CARNMT1: variants seen among roughly 807,000 people sequenced by gnomAD.
The protein encoded by CARNMT1 is protein-L-histidine N-pros-methyltransferase CARNMT1.
In CARNMT1, 28 loss-of-function variants were observed where a neutral mutation model predicts 49.6. That is an observed-to-expected ratio of 0.56 (90% confidence interval 0.42 to 0.77). The LOEUF (loss-of-function observed/expected upper bound fraction) is 0.77, where lower values mean the gene tolerates loss of function less well. Ranked by LOEUF, CARNMT1 falls within the 30% of genes least tolerant of loss-of-function variation. CARNMT1 has a pLI of 0.00. For synonymous variants in CARNMT1, 178 were observed against 175.0 expected, an observed-to-expected ratio of 1.02 and a Z score of -0.13; for missense variants, 421 against 512.6, an observed-to-expected ratio of 0.82 and a Z score of 1.73.
chr9:74,992,634 A>T (rs1474888356), intron 6 of CARNMT1, among the ~76,000 whole-genome samples: 1 of 152,240 alleles, frequency 6.6e-6, no homozygotes, highest in Non-Finnish European at 1.5e-5. Context: ...GGACATATGC[A>T]TAATAGTTCC....
chr9:75,002,951 T>C (rs1833404768), intron 3 of CARNMT1, among the ~76,000 whole-genome samples: 2 of 152,138 alleles, frequency 1.3e-5, no homozygotes, highest in Admixed American at 1.3e-4. Flanking sequence ...TTGCCCAGGC[T>C]GGTCTTGAAC....
intron 4 of CARNMT1, among the ~76,000 whole-genome samples, chr9:74,999,500 C>T (rs1833294053): frequency 6.6e-6 from 1 of 152,152 alleles, no homozygotes; most frequent in African/African-American, 2.4e-5. Flanking sequence ...AATGCCCAGT[C>T]ACTTTCTATA....
At chr9:75,020,074 C>T (rs1291425184) in intron 1 of CARNMT1, among the ~76,000 whole-genome samples, 1 of 152,114 alleles carries the variant, frequency 6.6e-6, no homozygotes, top group African/African-American at 2.4e-5. Flanking sequence ...AGTAAAAATT[C>T]AGGTTAATGA....
At chr9:75,019,457 C>T (rs1833938877) in intron 1 of CARNMT1, among the ~76,000 whole-genome samples, 1 of 152,166 alleles carries the variant, frequency 6.6e-6, no homozygotes, top group African/African-American at 2.4e-5. Flanking sequence ...GCAACCAGGC[C>T]TTCCTTTCTA....
At chr9:74,998,902 A>G (rs955044274) in intron 4 of CARNMT1, 126 bp from the exon 5 acceptor site, 1 of 513,718 alleles carries the variant, frequency 1.9e-6, no homozygotes, top group African/African-American at 2.0e-5. Flanking sequence ...AAGAGTCACT[A>G]TTACAGCTTC....
chr9:74,983,834 A>T lies in CARNMT1; in HGVS notation c.1163T>A (p.Val388Glu). 1 of 1,606,746 alleles carries T rather than the reference A, an allele frequency of 6.2e-7. No individual in the cohort carries two copies. Among genetic ancestry groups the T allele is most frequent in the Non-Finnish European group, 8.5e-7 (1 of 1,176,060 alleles). Residue 388 changes from valine (V) to glutamate (E), a missense_variant, in exon 8 of 8, where the codon GTG (valine) becomes GAG (glutamate). Transcript: ENST00000376834. Reference protein sequence around the residue: ...EKESVLSTYTVNDLSMMKYYY... With the variant: ...EKESVLSTYTENDLSMMKYYY... ...GTATTTCATCATAGAGAGATCATTCACAGTATATGTTGACAATACAGATTC... is the reference window on the plus strand; with the variant it reads ...GTATTTCATCATAGAGAGATCATTCTCAGTATATGTTGACAATACAGATTC...
chr9:74,992,448 G>A (rs538662900), intron 6 of CARNMT1, among the ~76,000 whole-genome samples: 61 of 152,234 alleles, frequency 4.0e-4, no homozygotes, highest in African/African-American at 1.4e-3. Flanking sequence ...GTAGCTAAAT[G>A]CCTGCCCTCC....
chr9:75,005,824 TAA>T (rs1159842360), intron 3 of CARNMT1, among the ~76,000 whole-genome samples: 3 of 77,912 alleles, frequency 3.9e-5, no homozygotes, highest in African/African-American at 9.3e-5. Context: ...TCAGTGAAAT[TAA>T]AACACACACA....
intron 6 of CARNMT1, among the ~76,000 whole-genome samples, chr9:74,987,430 A>G (rs557253465): frequency 6.6e-6 from 1 of 152,340 alleles, no homozygotes; most frequent in South Asian, 2.1e-4. Context: ...AATATATCAA[A>G]TGGAAAACTA....
intron 6 of CARNMT1, among the ~76,000 whole-genome samples, chr9:74,989,565 C>T (rs1007853145): frequency 1.3e-5 from 2 of 152,088 alleles, no homozygotes; most frequent in African/African-American, 4.8e-5. Flanking sequence ...CCACCCAAAT[C>T]TCATCTCAAA....
rs572472403 is a variant in CARNMT1, at chr9:74,980,952, A to G, written c.*2815T>C. 1 of 152,204 alleles carries G rather than the reference A, an allele frequency of 6.6e-6. No homozygotes were observed. The highest frequency in any genetic ancestry group is 1.5e-5 in the Non-Finnish European group (1 of 68,024). 9.4% of individuals were successfully genotyped at this position (152,204 alleles called of 1,614,324 possible). On this transcript the variant is annotated 3_prime_UTR_variant, in exon 8 of 8. Coordinates refer to ENST00000376834, the MANE Select transcript of CARNMT1 (RefSeq NM_152420.3). ...CTAATCCAAGAGTTCAAAAGTATAT[A>G]TGCTCAACTCATTAAAATCCCCACA...
intron 1 of CARNMT1, among the ~76,000 whole-genome samples, chr9:75,026,156 A>T (rs185632379): frequency 0.01 from 1,539 of 152,178 alleles, 28 homozygotes; most frequent in African/African-American, 0.033. Context: ...TGTTTTTTTT[A>T]AAAAATGAAA....
In CARNMT1 at chr9:74,983,851, T is replaced by C. The variant is rs1832748903; in HGVS notation, c.1146A>G (p.Val382=). ...GFKVEVEKES[V]LSTYTVNDLS... is the part of the protein sequence containing the mutation. The stretch of plus-strand genomic sequence containing the variant: ...GATCATTCACAGTATATGTTGACAA[T>C]ACAGATTCTTTTTCCACCTGCAATG... The change falls in exon 8 of 8, where the codon GTA becomes GTG. Residue 382 remains valine, a synonymous_variant. Coordinates refer to ENST00000376834, the MANE Select transcript of CARNMT1 (RefSeq NM_152420.3). 1.3e-6 allele frequency: 2 copies of C among 1,596,788 alleles called. No individual in the cohort carries two copies. The highest frequency in any genetic ancestry group is 1.7e-6 in the Non-Finnish European group (2 of 1,171,496).
intron 3 of CARNMT1, among the ~76,000 whole-genome samples, chr9:75,009,121 G>T (rs1013921740): frequency 7.5e-6 from 1 of 134,172 alleles, no homozygotes; most frequent in Non-Finnish European, 1.6e-5. Context: ...ATATGCAAAA[G>T]AATAAAGTTG....
At chr9:75,021,290 T>C (rs1445349685) in intron 1 of CARNMT1, among the ~76,000 whole-genome samples, 2 of 134,370 alleles carry the variant, frequency 1.5e-5, no homozygotes, top group African/African-American at 5.1e-5. Context: ...AGTATATACA[T>C]AGTATATATA....
chr9:74,990,198 C>T (rs1165626993), intron 6 of CARNMT1, among the ~76,000 whole-genome samples: 1 of 152,106 alleles, frequency 6.6e-6, no homozygotes, highest in East Asian at 1.9e-4. Context: ...CTTAAGAAGC[C>T]TAACAAACTG....
chr9:75,027,256 G>A (rs1306226200), intron 1 of CARNMT1: 1 of 603,384 alleles, frequency 1.7e-6, no homozygotes, highest in Non-Finnish European at 2.1e-6. Context: ...TTAGGGAGCT[G>A]TTTTTATGAA....
intron 6 of CARNMT1, among the ~76,000 whole-genome samples, chr9:74,989,102 T>C (rs1832939571): frequency 6.6e-6 from 1 of 152,126 alleles, no homozygotes; most frequent in Non-Finnish European, 1.5e-5. Flanking sequence ...GTTGTTTACA[T>C]TTATTCTTTT....
intron 7 of CARNMT1, among the ~76,000 whole-genome samples, 184 bp from the exon 8 acceptor site, chr9:74,984,052 C>T (rs1490417859): frequency 6.6e-6 from 1 of 152,148 alleles, no homozygotes; most frequent in Middle Eastern, 3.2e-3. Context: ...AACAGTCACA[C>T]TAGTAAGTGG....
Sources: allele counts gnomAD v4.1 joint callset (sites outside exome capture counted in the v4.1 genomes callset), GRCh38; gene constraint gnomAD v4.1.1; transcripts MANE v1.5; gene names NCBI Gene and HGNC (gene_info 2026-07-23, HGNC 2026-07-21).